Variants in GALNT13 observed in about 807,000 individuals in gnomAD.
GALNT13 encodes UDP-GalNAc:polypeptide N-acetylgalactosaminyltransferase 13.
GALNT13 carries 28 observed loss-of-function variants against 64.2 expected under a neutral mutation model. That is an observed-to-expected ratio of 0.44 (90% CI 0.32 to 0.60). The LOEUF is 0.60. Ranked by LOEUF, GALNT13 falls within the 20% of genes least tolerant of loss-of-function variation. The pLI is 0.05. For missense variants in GALNT13, 577 were observed against 669.8 expected (o/e 0.86, Z 1.53); for synonymous variants, 214 against 224.6 (o/e 0.95, Z 0.42).
intron 3 of GALNT13, among the ~76,000 whole-genome samples, chr2:154,098,724 T>C (rs1702197113): frequency 6.6e-6 from 1 of 152,084 alleles, no homozygotes; most frequent in Non-Finnish European, 1.5e-5. Flanking sequence ...TGACTTTCAT[T>C]TCCATCCATG....
chr2:154,273,470 G>A (rs958142475), intron 8 of GALNT13, among the ~76,000 whole-genome samples: 48 of 152,088 alleles, frequency 3.2e-4, no homozygotes, highest in African/African-American at 1.2e-3. Flanking sequence ...ATAATGTTTT[G>A]GTTGACTGAT....
chr2:153,442,298 G>C, the GALNT13 span, among the ~76,000 whole-genome samples: 34 of 152,204 alleles, frequency 2.2e-4, no homozygotes, highest in East Asian at 1.4e-3. Context: ...GGATGAAGCC[G>C]ACTTGATCAT....
intron 2 of GALNT13, among the ~76,000 whole-genome samples, chr2:153,902,069 T>TGG (rs1688274229): frequency 6.6e-6 from 1 of 152,172 alleles, no homozygotes. Context: ...TTTTGGACTC[T>TGG]GGTGATCTTC....
chr2:153,459,671 C>T, the GALNT13 span, among the ~76,000 whole-genome samples: 1 of 152,102 alleles, frequency 6.6e-6, no homozygotes, highest in Non-Finnish European at 1.5e-5. Context: ...TATAGGAACA[C>T]ACTTAAATAC....
At chr2:154,274,337 A>G (rs563439622) in intron 8 of GALNT13, among the ~76,000 whole-genome samples, 33 of 152,216 alleles carry the variant, frequency 2.2e-4, no homozygotes, top group African/African-American at 7.2e-4. Context: ...ATTTAAGGGT[A>G]TATGTAGTCT....
chr2:154,285,325 T>C (rs1326065171), intron 8 of GALNT13, among the ~76,000 whole-genome samples: 3 of 152,178 alleles, frequency 2.0e-5, no homozygotes, highest in African/African-American at 7.2e-5. Flanking sequence ...TCCCCATGTT[T>C]TATTTGAGTA....
At chr2:153,680,740 G>T in the GALNT13 span, among the ~76,000 whole-genome samples, 2 of 151,870 alleles carry the variant, frequency 1.3e-5, no homozygotes, top group Non-Finnish European at 2.9e-5. Flanking sequence ...CCCACATTCA[G>T]TATGTTCCTG....
the GALNT13 span, among the ~76,000 whole-genome samples, chr2:153,854,463 C>A: frequency 1.3e-5 from 2 of 151,762 alleles, no homozygotes; most frequent in African/African-American, 2.4e-5. Context: ...CACCTGTAAT[C>A]CCAGCTAGTA....
the GALNT13 span, among the ~76,000 whole-genome samples, chr2:153,457,023 T>C: frequency 6.6e-6 from 1 of 152,212 alleles, no homozygotes; most frequent in Non-Finnish European, 1.5e-5. Context: ...AGATTCAGAA[T>C]GGCTGTTTCT....
At chr2:154,338,050 T>C (rs1695552114) in intron 9 of GALNT13, among the ~76,000 whole-genome samples, 1 of 152,124 alleles carries the variant, frequency 6.6e-6, no homozygotes, top group Non-Finnish European at 1.5e-5. Context: ...ATTTCTTTTC[T>C]AGAGCAATGC....
At chr2:153,416,008 A>G in the GALNT13 span, among the ~76,000 whole-genome samples, 2 of 152,220 alleles carry the variant, frequency 1.3e-5, no homozygotes, top group Admixed American at 6.5e-5. Flanking sequence ...AGTTGCCTAT[A>G]AATAAACAAG....
intron 2 of GALNT13, among the ~76,000 whole-genome samples, chr2:153,925,290 C>T (rs1690044153): frequency 6.6e-6 from 1 of 152,056 alleles, no homozygotes. Flanking sequence ...GTTGTCCCAG[C>T]ACTATTTATT....
chr2:153,300,567 A>AT, the GALNT13 span, among the ~76,000 whole-genome samples: 2 of 152,150 alleles, frequency 1.3e-5, no homozygotes, highest in Non-Finnish European at 2.9e-5. Flanking sequence ...TAAAATTCTT[A>AT]TTTGCTGACT....
the GALNT13 span, among the ~76,000 whole-genome samples, chr2:153,512,594 T>C: frequency 6.6e-6 from 1 of 152,178 alleles, no homozygotes; most frequent in Admixed American, 6.5e-5. Context: ...ATCTATAAAA[T>C]TGGGAGAATA....
chr2:153,728,684 C>CA, the GALNT13 span, among the ~76,000 whole-genome samples: 2 of 151,986 alleles, frequency 1.3e-5, no homozygotes, highest in African/African-American at 4.8e-5. Flanking sequence ...AAAAACCCTT[C>CA]AAAAAATCAA....
chr2:153,504,565 C>A, the GALNT13 span, among the ~76,000 whole-genome samples: 1 of 152,068 alleles, frequency 6.6e-6, no homozygotes. Context: ...CCCTTCTATG[C>A]CGATTTTGCT....
the GALNT13 span, among the ~76,000 whole-genome samples, chr2:153,557,105 T>TA: frequency 1.3e-5 from 2 of 152,194 alleles, no homozygotes; most frequent in African/African-American, 4.8e-5. Context: ...AGAGCATATA[T>TA]ATGATGGTGG....
the GALNT13 span, among the ~76,000 whole-genome samples, chr2:153,437,654 CT>C: frequency 2.0e-5 from 3 of 150,374 alleles, no homozygotes; most frequent in African/African-American, 7.3e-5. Context: ...GCAACCCCTG[CT>C]TTTTTTTGTT....
At chr2:153,872,631 GGGGAGCGGCTCT>G (rs1558826711) in intron 1 of GALNT13, among the ~76,000 whole-genome samples, 1 of 102,700 alleles carries the variant, frequency 9.7e-6, no homozygotes, top group Admixed American at 1.2e-4. Flanking sequence ...GGGGGGGGGG[GGGGAGCGGCTCT>G]GGCCCCCTCT....
Sources: gnomAD v4.1 joint callset for allele counts (sites outside exome capture counted in the v4.1 genomes callset) on GRCh38, gnomAD v4.1.1 for gene constraint, MANE v1.5 for transcripts, NCBI Gene and HGNC (gene_info 2026-07-23, HGNC 2026-07-21) for gene names.